Variants in SLC5A9 observed in about 807,000 individuals in gnomAD.
SLC5A9 encodes sodium/glucose cotransporter 4.
In SLC5A9, 59 loss-of-function variants were observed where a neutral mutation model predicts 70.9. The observed-to-expected ratio is 0.83, with a 90% CI of 0.68 to 1.03. SLC5A9 has a LOEUF of 1.03. Among genes scored for constraint, SLC5A9 ranks in the 50% least tolerant of loss-of-function variants. The pLI is 0.00. For synonymous variants in SLC5A9, 340 were observed against 346.5 expected (o/e 0.98, Z 0.21); for missense variants, 832 against 881.1 (o/e 0.94, Z 0.71).
intron 11 of SLC5A9, among the ~76,000 whole-genome samples, chr1:48,238,882 C>G (rs535172333): frequency 1.3e-5 from 2 of 152,288 alleles, no homozygotes; most frequent in African/African-American, 4.8e-5. Context: ...AGTCTCTATT[C>G]TGATTTCTGA....
At chr1:48,232,883 GAA>G (rs1018994598) in intron 8 of SLC5A9, among the ~76,000 whole-genome samples, 1 of 133,866 alleles carries the variant, frequency 7.5e-6, no homozygotes, top group African/African-American at 2.8e-5. Flanking sequence ...GAAAGAAAAA[GAA>G]AAAGAAAGGA....
At position 48,239,587 on chromosome 1, in the gene SLC5A9, C is replaced by T. The variant is rs753156540; in HGVS notation, c.1677+50C>T. 1.3e-6 allele frequency: 2 copies of T among 1,544,200 alleles called. No individual in the cohort carries two copies. Among genetic ancestry groups the T allele is most frequent in the Non-Finnish European group, 1.8e-6 (2 of 1,117,532 alleles). On this transcript the variant is annotated intron_variant, in intron 12 of 13. Coordinates refer to ENST00000438567, the MANE Select transcript of SLC5A9 (RefSeq NM_001011547.3). The surrounding 1 kb of genome is among the most constrained non-coding windows in gnomAD (Gnocchi z 4.2). ...CCCTCCAGAAATGCTCTCCCTTCCCCCATAGCCTAGAATTCCACTGCTGAC... is the reference window on the plus strand; with the variant it reads ...CCCTCCAGAAATGCTCTCCCTTCCCTCATAGCCTAGAATTCCACTGCTGAC...
At chr1:48,241,229 A>G (rs530481260) in intron 12 of SLC5A9, 2 of 152,430 alleles carry the variant, frequency 1.3e-5, no homozygotes, top group Non-Finnish European at 2.9e-5. Flanking sequence ...TCAATTCTCT[A>G]TCTACAGCCA....
intron 12 of SLC5A9, among the ~76,000 whole-genome samples, chr1:48,241,705 T>C (rs1290580255): frequency 9.6e-6 from 1 of 103,854 alleles, no homozygotes; most frequent in East Asian, 4.8e-4. Context: ...GTACATGTTC[T>C]CTCTCTCTCT....
chr1:48,227,464 G>C (rs1296808148), intron 2 of SLC5A9, among the ~76,000 whole-genome samples: 1 of 137,952 alleles, frequency 7.2e-6, no homozygotes, highest in East Asian at 2.6e-4. Context: ...GAGAGTGTGT[G>C]TACTGTGCCT....
intron 10 of SLC5A9, 133 bp from the exon 11 acceptor site, chr1:48,237,546 T>A (rs1644342845): frequency 1.1e-5 from 9 of 821,582 alleles, no homozygotes; most frequent in Non-Finnish European, 1.7e-5. Flanking sequence ...AGATTCTGGC[T>A]GCCAACCTTC....
chr1:48,231,183 CA>C (rs1283630423), intron 5 of SLC5A9, among the ~76,000 whole-genome samples: 1 of 152,124 alleles, frequency 6.6e-6, no homozygotes, highest in East Asian at 1.9e-4. Context: ...GGTCCAGAGA[CA>C]GGGGGGCATT....
chr1:48,237,866 T>C lies in SLC5A9; in HGVS notation c.1461+19T>C. 6.2e-7 allele frequency: 1 copy of C among 1,613,176 alleles called. No individual in the cohort carries two copies. On this transcript the variant is annotated intron_variant, in intron 11 of 13. Transcript: ENST00000438567. ...AGAGCCCGTGAGTGCAGTGTACCTG[T>C]CTCTCACATACAGCAGAGGGGCTGG...
At chr1:48,237,944 C>T in intron 11 of SLC5A9, 97 bp downstream of exon 11, 1 of 1,290,622 alleles carries the variant, frequency 7.7e-7, no homozygotes, top group Non-Finnish European at 1.1e-6. Flanking sequence ...AATCCACTTC[C>T]CCTCTAGGCT....
chr1:48,226,474 C>T (rs1644148586), intron 2 of SLC5A9, among the ~76,000 whole-genome samples: 1 of 152,200 alleles, frequency 6.6e-6, no homozygotes, highest in African/African-American at 2.4e-5. Context: ...ATGTGCTCCC[C>T]ATCCTCTGGT....
At position 48,247,757 on chromosome 1, in the gene SLC5A9, G is replaced by A. The variant is rs1028139355; in HGVS notation, c.*214G>A. The A allele has an allele frequency of 6.7e-6, 4 of 593,416 alleles. No homozygotes were observed. The African/African-American group carries it at 7.4e-5, about 11-fold the overall frequency. 36.8% of individuals were successfully genotyped at this position (593,416 alleles called of 1,614,324 possible). On this transcript the variant is annotated 3_prime_UTR_variant, in exon 14 of 14. Coordinates refer to ENST00000438567, the MANE Select transcript of SLC5A9 (RefSeq NM_001011547.3). ...CACTGGGTTTGTTCAGGACCACCCA[G>A]AAGGTGTCACACGGGGTTTCCCCAC...
chr1:48,237,730 C>G lies in SLC5A9; in HGVS notation c.1344C>G (p.Ile448Met), dbSNP rs1429447877. Reference protein sequence around the residue: ...VVISILWIPIIQSSNSGQLFD... With the variant: ...VVISILWIPIMQSSNSGQLFD... ...TCAGCATCCTCTGGATCCCCATCAT[C>G]CAAAGCTCCAACAGTGGGCAGCTCT... Residue 448 changes from isoleucine (I) to methionine (M), a missense_variant, in exon 11 of 14, where the codon ATC becomes ATG. Physicochemically the swap from Ile to Met is conservative, Grantham distance 10. Transcript: ENST00000438567. The G allele has an allele frequency of 6.2e-7, 1 of 1,614,102 alleles. No individual in the cohort carries two copies. Among genetic ancestry groups the G allele is most frequent in the Admixed American group, 1.7e-5 (1 of 60,016 alleles).
Position 48,222,896 on chromosome 1 carries a change from T to C in SLC5A9, c.160T>C (p.Trp54Arg). ...YFVFVIAVGI[W>R]SSIRASRGTI... ...TGTCTTCGTCATTGCTGTGGGGATC[T>C]GGGTAAGTGGGCCCTGAGGCTGGGG... The change falls in exon 1 of 14, where the codon TGG becomes CGG. Residue 54 changes from tryptophan to arginine, a missense_variant and splice_region_variant. Physicochemically the swap from Trp to Arg is moderately radical, Grantham distance 101. Transcript: ENST00000438567. 6.2e-7 allele frequency: 1 copy of C among 1,613,906 alleles called. No homozygotes were observed. The highest frequency in any genetic ancestry group is 1.1e-5 in the South Asian group (1 of 91,044).
At position 48,232,074 on chromosome 1, in the gene SLC5A9, G is replaced by T; in HGVS notation, c.820G>T (p.Val274Leu). 1 of 1,614,120 alleles carries T rather than the reference G, an allele frequency of 6.2e-7. No individual in the cohort carries two copies. ...PDAFHILRDP[V>L]SGDIPWPGLI... ...TGCTTTCCACATTCTTCGGGACCCT[G>T]TGAGCGGGGACATCCCTTGGCCAGG... The change falls in exon 7 of 14, where the codon GTG becomes TTG. Residue 274 changes from valine (V) to leucine (L), a missense_variant. Transcript: ENST00000438567.
chr1:48,224,695 A>T, intron 1 of SLC5A9, 29 bp from the exon 2 acceptor site: 1 of 1,603,504 alleles, frequency 6.2e-7, no homozygotes, highest in South Asian at 1.1e-5. Context: ...AGTCTTGAGA[A>T]ATCCTCATCT....
chr1:48,235,829 G>A lies in SLC5A9; in HGVS notation c.1242G>A (p.Trp414Ter). ...GCACCCTGTTCACCATTGATGTGTGGCAGCGCTTCCGCAGGAAGTCAACAG... is the reference window on the plus strand; with the variant it reads ...GCACCCTGTTCACCATTGATGTGTGACAGCGCTTCCGCAGGAAGTCAACAG... ...SSSTLFTIDV[W>*]QRFRRKSTEQ... Residue 414 changes from tryptophan to a stop codon, truncating the protein, a stop_gained, in exon 10 of 14, where the codon TGG becomes TGA. Transcript: ENST00000438567. LOFTEE classifies it high-confidence loss of function. The A allele has an allele frequency of 6.2e-7, 1 of 1,614,218 alleles. No individual in the cohort carries two copies. Among genetic ancestry groups the A allele is most frequent in the East Asian group, 2.2e-5 (1 of 44,876 alleles).
At chr1:48,226,576 T>A (rs188553877) in intron 2 of SLC5A9, among the ~76,000 whole-genome samples, 71 of 152,144 alleles carry the variant, frequency 4.7e-4, no homozygotes, top group Middle Eastern at 6.8e-3. Context: ...GAAAGCTCAG[T>A]CCCACCAGCA....
At chr1:48,222,997 C>A in intron 1 of SLC5A9, 99 bp downstream of exon 1, 1 of 1,280,728 alleles carries the variant, frequency 7.8e-7, no homozygotes, top group Non-Finnish European at 1.1e-6. Context: ...CAGAAAGAAG[C>A]AGATCATAGA....
chr1:48,244,896 A>ATATATATATATATG (rs1557486488), intron 13 of SLC5A9, among the ~76,000 whole-genome samples: 1 of 109,756 alleles, frequency 9.1e-6, no homozygotes, highest in African/African-American at 3.2e-5. Context: ...ATATATATAT[A>ATATATATATATATG]TATATATATA....
Sources: allele counts gnomAD v4.1 joint callset (sites outside exome capture counted in the v4.1 genomes callset), GRCh38; gene constraint gnomAD v4.1.1; non-coding constraint Gnocchi (gnomAD v3.1); transcripts MANE v1.5; gene names NCBI Gene and HGNC (gene_info 2026-07-23, HGNC 2026-07-21).